Variants in GAPVD1 observed in about 807,000 individuals in gnomAD.
GAPVD1 encodes the protein GTPase activating protein and VPS9 domains 1, also known as GTPase-activating protein and VPS9 domain-containing protein 1.
A neutral mutation model predicts 155.5 loss-of-function variants in GAPVD1; 35 were observed. The observed-to-expected ratio is 0.23, with a 90% CI of 0.17 to 0.30. The LOEUF (loss-of-function observed/expected upper bound fraction) is 0.30, where lower values mean the gene tolerates loss of function less well. Ranked by LOEUF, GAPVD1 falls within the 10% of genes least tolerant of loss-of-function variation. The pLI, the probability that GAPVD1 is intolerant of heterozygous loss-of-function variation, is 1.00. For missense variants in GAPVD1, 1,429 were observed against 1,775.7 expected, an observed-to-expected ratio of 0.80 and a Z score of 3.51; for synonymous variants, 636 against 619.7, an observed-to-expected ratio of 1.03 and a Z score of -0.39.
At chr9:125,336,714 G>A (rs1847065820) in intron 15 of GAPVD1, 1 of 261,882 alleles carries the variant, frequency 3.8e-6, no homozygotes, top group East Asian at 9.4e-5. Context: ...TCAAAACATT[G>A]ATGGTTTAGG....
Position 125,319,987 on chromosome 9 carries a change from AT to A in GAPVD1, c.1603-1436del, listed in dbSNP as rs957915836. Among the ~76,000 whole-genome samples the A allele has an allele frequency of 3.1e-3, 462 of 150,846 alleles. 3 individuals carry two copies. Among genetic ancestry groups the A allele is most frequent in the African/African-American group, 0.01 (432 of 41,190 alleles). On this transcript the variant is annotated intron_variant, in intron 9 of 27. Transcript: ENST00000297933. ...CTCAGAGCCAAAACAGCAACCAAGA[AT>A]TTTTTTTTTCTTTCTGTTTAAAAAT...
intron 20 of GAPVD1, among the ~76,000 whole-genome samples, chr9:125,348,895 A>G (rs1848909655): frequency 6.6e-6 from 1 of 152,084 alleles, no homozygotes; most frequent in Non-Finnish European, 1.5e-5. Context: ...CCCTTGACTC[A>G]CTCTTGGGTG....
At chr9:125,262,172 G>A (rs1284077138) in intron 1 of GAPVD1, among the ~76,000 whole-genome samples, 1 of 152,166 alleles carries the variant, frequency 6.6e-6, no homozygotes, top group Non-Finnish European at 1.5e-5. Context: ...CGGCGCGCAG[G>A]AGCCAGGGCG....
chr9:125,322,473 T>C (rs1053086034), intron 10 of GAPVD1, among the ~76,000 whole-genome samples: 2 of 152,150 alleles, frequency 1.3e-5, no homozygotes, highest in African/African-American at 4.8e-5. Flanking sequence ...AAAAATGACA[T>C]GTAATGTATG....
chr9:125,337,624 T>A, intron 17 of GAPVD1, 33 bp downstream of exon 17: 1 of 1,572,984 alleles, frequency 6.4e-7, no homozygotes, highest in Non-Finnish European at 8.6e-7. Context: ...AAGAATTATG[T>A]TCTGCCTGCC....
chr9:125,344,893 T>G (rs1848299042), intron 19 of GAPVD1, among the ~76,000 whole-genome samples: 1 of 152,186 alleles, frequency 6.6e-6, no homozygotes, highest in Non-Finnish European at 1.5e-5. Flanking sequence ...CAGTTTACAT[T>G]TGGAGACAGA....
chr9:125,332,457 G>A (rs2131830523), intron 14 of GAPVD1, 53 bp from the exon 15 acceptor site: 2 of 1,414,050 alleles, frequency 1.4e-6, no homozygotes, highest in Non-Finnish European at 1.9e-6. Context: ...TATACTTTTT[G>A]TGTGGATATT....
chr9:125,335,220 C>G lies in GAPVD1; in HGVS notation c.2429-1798C>G, dbSNP rs769215757. The G allele has an allele frequency of 3.2e-5, 25 of 770,690 alleles. No individual in the cohort carries two copies. In the South Asian group the frequency reaches 3.3e-4, roughly 10 times the overall value. 47.7% of individuals were successfully genotyped at this position (770,690 alleles called of 1,614,324 possible). A position where few individuals can be genotyped will look rare whatever the true frequency, so the allele number is the denominator to read the frequency against. Reference sequence around the variant, plus strand: ...AAACAACATTTTCAACACATTGAAGCAGAAGCAGACATGAGAATCCAGCTG... The same window carrying G: ...AAACAACATTTTCAACACATTGAAGGAGAAGCAGACATGAGAATCCAGCTG... On this transcript the variant is annotated intron_variant, in intron 15 of 27. Coordinates refer to ENST00000297933, the MANE Select transcript of GAPVD1 (RefSeq NM_001282680.3).
intron 4 of GAPVD1, among the ~76,000 whole-genome samples, chr9:125,300,372 G>A (rs759026040): frequency 2.7e-5 from 4 of 150,840 alleles, no homozygotes; most frequent in Non-Finnish European, 5.9e-5. Flanking sequence ...AGTAGAGACG[G>A]GGTTTCACCA....
intron 4 of GAPVD1, among the ~76,000 whole-genome samples, chr9:125,299,910 T>C (rs979613897): frequency 7.1e-6 from 1 of 140,428 alleles, no homozygotes; most frequent in Non-Finnish European, 1.5e-5. Context: ...TCCCAGCTAC[T>C]CGGGAGGCTG....
At chr9:125,323,758 T>C (rs1844737895) in intron 10 of GAPVD1, 40 bp from the exon 11 acceptor site, 3 of 1,608,812 alleles carry the variant, frequency 1.9e-6, no homozygotes, top group Non-Finnish European at 2.6e-6. Context: ...GGCTCATGAC[T>C]GTTTTAAAAA....
chr9:125,323,143 G>A (rs995253250), intron 10 of GAPVD1, among the ~76,000 whole-genome samples: 1 of 149,370 alleles, frequency 6.7e-6, no homozygotes, highest in African/African-American at 2.5e-5. Flanking sequence ...TCTCACTTTT[G>A]TTGCCCAGGC....
At chr9:125,277,407 A>ATTT (rs1368195650) in intron 2 of GAPVD1, among the ~76,000 whole-genome samples, 2 of 152,196 alleles carry the variant, frequency 1.3e-5, no homozygotes, top group Non-Finnish European at 2.9e-5. Context: ...CCTAAGTGTG[A>ATTT]TTTAACTGGC....
intron 4 of GAPVD1, among the ~76,000 whole-genome samples, chr9:125,299,753 G>T (rs13285377): frequency 0.49 from 72,424 of 148,788 alleles, 17,687 homozygotes; most frequent in Middle Eastern, 0.58. Flanking sequence ...GGGTGTGGTG[G>T]CTGACACCTG....
chr9:125,288,289 G>T (rs1166117950), intron 2 of GAPVD1, among the ~76,000 whole-genome samples: 1 of 151,446 alleles, frequency 6.6e-6, no homozygotes, highest in Admixed American at 6.6e-5. Context: ...TTTTTGTATT[G>T]TTAGTAGAGA....
At chr9:125,361,010 C>CG (rs1850828305) in intron 27 of GAPVD1, among the ~76,000 whole-genome samples, 1 of 152,086 alleles carries the variant, frequency 6.6e-6, no homozygotes, top group Non-Finnish European at 1.5e-5. Context: ...TACAGGCGTG[C>CG]GTCACCATGC....
At chr9:125,312,753 A>G in intron 9 of GAPVD1, 141 bp downstream of exon 9, 1 of 577,084 alleles carries the variant, frequency 1.7e-6, no homozygotes, top group Non-Finnish European at 3.0e-6. Flanking sequence ...GTCTATAGTC[A>G]AGGCAGATTC....
chr9:125,277,454 A>C (rs1437431987), intron 2 of GAPVD1, among the ~76,000 whole-genome samples: 1 of 152,138 alleles, frequency 6.6e-6, no homozygotes. Flanking sequence ...TAAAAACAGA[A>C]TGTATAGAAG....
At chr9:125,278,811 G>A (rs1209203004) in intron 2 of GAPVD1, among the ~76,000 whole-genome samples, 2 of 151,676 alleles carry the variant, frequency 1.3e-5, no homozygotes, top group East Asian at 3.9e-4. Flanking sequence ...CTCCAGCCTG[G>A]GTGACAGAGC....
Sources: gnomAD v4.1 joint callset for allele counts (sites outside exome capture counted in the v4.1 genomes callset) on GRCh38, gnomAD v4.1.1 for gene constraint, MANE v1.5 for transcripts, NCBI Gene and HGNC (gene_info 2026-07-23, HGNC 2026-07-21) for gene names.